ITPRID1: variants seen among roughly 807,000 people sequenced by gnomAD.
ITPRID1 encodes ITPR interacting domain containing 1, also known as protein ITPRID1.
In ITPRID1, 96 loss-of-function variants were observed where a neutral mutation model predicts 95.4. The observed-to-expected ratio is 1.01, with a 90% CI of 0.85 to 1.19. The LOEUF is 1.19. ITPRID1 is among the 50% of genes most tolerant of loss of function. ITPRID1 has a pLI of 0.00. For missense variants in ITPRID1, 1,339 were observed against 1,252.9 expected (o/e 1.07, Z -1.04); for synonymous variants, 510 against 453.6 (o/e 1.12, Z -1.58).
rs1791226899 is a variant in ITPRID1, at chr7:31,654,989, A to C, written c.*2160A>C. 6.6e-6 allele frequency among the ~76,000 whole-genome samples: 1 copy of C among 152,068 alleles called. No individual in the cohort carries two copies. The highest frequency in any genetic ancestry group is 6.5e-5 in the Admixed American group (1 of 15,278). ...GACTTAACATTCTCAGAGCGTGGACATCCCCATTCTGTCCTGAATTCTCTT... is the reference window on the plus strand; with the variant it reads ...GACTTAACATTCTCAGAGCGTGGACCTCCCCATTCTGTCCTGAATTCTCTT... On this transcript the variant is annotated 3_prime_UTR_variant, in exon 15 of 15. Coordinates refer to ENST00000615280, the MANE Select transcript of ITPRID1 (RefSeq NM_001257967.3).
chr7:31,535,202 A>C lies in ITPRID1; in HGVS notation c.-97-14224A>C, dbSNP rs188588604. ...TTCTAGAGACTATAATATTTGCCTA[A>C]CTTATCAGAATCTATCATTAAAGTA... On this transcript the variant is annotated intron_variant, in intron 1 of 14. Coordinates refer to ENST00000615280, the MANE Select transcript of ITPRID1 (RefSeq NM_001257967.3). 4.3e-4 allele frequency among the ~76,000 whole-genome samples: 66 copies of C among 152,258 alleles called. No individual in the cohort carries two copies. In the East Asian group the frequency reaches 0.01, roughly 23 times the overall value.
chr7:31,585,386 T>TTG (rs1414750174), intron 10 of ITPRID1, among the ~76,000 whole-genome samples: 1 of 151,966 alleles, frequency 6.6e-6, no homozygotes, highest in African/African-American at 2.4e-5. Context: ...ATATAGAAAA[T>TTG]TGGGACCCAA....
intron 10 of ITPRID1, among the ~76,000 whole-genome samples, chr7:31,608,939 T>C (rs979098099): frequency 6.6e-6 from 1 of 151,716 alleles, no homozygotes; most frequent in African/African-American, 2.4e-5. Context: ...TTTACCATTA[T>C]GTATGATGTT....
intron 1 of ITPRID1, among the ~76,000 whole-genome samples, chr7:31,541,069 C>G (rs1783918526): frequency 6.6e-6 from 1 of 152,142 alleles, no homozygotes; most frequent in South Asian, 2.1e-4. Context: ...CAGATAGTTT[C>G]CAAATTCTGG....
At chr7:31,527,114 G>T (rs970982073) in intron 1 of ITPRID1, among the ~76,000 whole-genome samples, 2 of 152,008 alleles carry the variant, frequency 1.3e-5, no homozygotes, top group African/African-American at 4.8e-5. Context: ...TCAGACCTTT[G>T]CACCTTTGCA....
chr7:31,599,491 T>C (rs1786252147), intron 10 of ITPRID1, among the ~76,000 whole-genome samples: 1 of 152,236 alleles, frequency 6.6e-6, no homozygotes, highest in African/African-American at 2.4e-5. Flanking sequence ...GTATCTATGT[T>C]TCCCCTTTTA....
Position 31,554,495 on chromosome 7 carries a change from A to G in ITPRID1, c.184A>G (p.Ile62Val). The G allele has an allele frequency of 6.2e-7, 1 of 1,613,040 alleles. No homozygotes were observed. The highest frequency in any genetic ancestry group is 8.5e-7 in the Non-Finnish European group (1 of 1,179,414). ...PMLEDSKQES[I>V]QQWLDSGFFV... is the part of the protein sequence containing the mutation. ...TGTAGAAGATTCCAAGCAAGAAAGT[A>G]TTCAGCAGTGGCTGGACTCTGGATT... Residue 62 changes from isoleucine to valine, a missense_variant, in exon 4 of 15, where the codon ATT (isoleucine) becomes GTT (valine). Transcript: ENST00000615280.
chr7:31,576,970 G>C (rs574134246), intron 8 of ITPRID1, among the ~76,000 whole-genome samples: 160 of 150,496 alleles, frequency 1.1e-3, no homozygotes, highest in African/African-American at 3.8e-3. Flanking sequence ...AGCCCTTGCT[G>C]CATTAGGTCT....
intron 1 of ITPRID1, among the ~76,000 whole-genome samples, chr7:31,529,251 C>T (rs189984732): frequency 3.9e-5 from 6 of 152,292 alleles, no homozygotes; most frequent in African/African-American, 1.4e-4. Context: ...GTTCTGCTGT[C>T]CTCATTTCCA....
intron 10 of ITPRID1, among the ~76,000 whole-genome samples, chr7:31,638,455 G>GA: frequency 6.6e-6 from 1 of 152,092 alleles, no homozygotes; most frequent in African/African-American, 2.4e-5. Flanking sequence ...ATAATAACAG[G>GA]TGTTTATGTT....
At chr7:31,561,878 A>G (rs1424094551) in intron 5 of ITPRID1, among the ~76,000 whole-genome samples, 1 of 152,108 alleles carries the variant, frequency 6.6e-6, no homozygotes, top group Non-Finnish European at 1.5e-5. Context: ...TGGGATGAAT[A>G]TGGATCCATA....
chr7:31,566,384 A>G (rs112220006), intron 5 of ITPRID1, among the ~76,000 whole-genome samples: 13 of 152,346 alleles, frequency 8.5e-5, no homozygotes, highest in African/African-American at 3.1e-4. Context: ...GCAGGCAAAC[A>G]AAAAAGACCA....
In ITPRID1 at chr7:31,543,497, T is replaced by G. The variant is rs867939491; in HGVS notation, c.-97-5929T>G. Among the ~76,000 whole-genome samples, 102 of 143,676 alleles carry G rather than the reference T, an allele frequency of 7.1e-4. No individual in the cohort carries two copies. The Middle Eastern group carries it at 0.017, about 24-fold the overall frequency. The allele number at this position is 143,676 out of a possible 152,430, so 94.3% of individuals were successfully genotyped here. A position where few individuals can be genotyped will look rare whatever the true frequency, so the allele number is the denominator to read the frequency against. ...ATTCTAATAGGTGTTTACTAGTGTC[T>G]CATTGTTGTTTAAATTTTCATTTTT... On this transcript the variant is annotated intron_variant, in intron 1 of 14. Coordinates refer to ENST00000615280, the MANE Select transcript of ITPRID1 (RefSeq NM_001257967.3).
At chr7:31,623,283 C>T (rs1434565384) in intron 10 of ITPRID1, among the ~76,000 whole-genome samples, 9 of 151,968 alleles carry the variant, frequency 5.9e-5, no homozygotes, top group East Asian at 3.9e-4. Context: ...ATACCAAAGC[C>T]GGGCAGAGAC....
intron 5 of ITPRID1, among the ~76,000 whole-genome samples, chr7:31,559,180 T>G (rs1784546903): frequency 6.6e-6 from 1 of 152,124 alleles, no homozygotes; most frequent in African/African-American, 2.4e-5. Flanking sequence ...CTCAAATATT[T>G]TCATAAATGA....
At chr7:31,545,307 G>A (rs1301536389) in intron 1 of ITPRID1, among the ~76,000 whole-genome samples, 1 of 152,034 alleles carries the variant, frequency 6.6e-6, no homozygotes, top group African/African-American at 2.4e-5. Flanking sequence ...GAAAGAACTT[G>A]GATTGCAGTG....
chr7:31,548,055 C>T (rs1402468483), intron 1 of ITPRID1, among the ~76,000 whole-genome samples: 1 of 146,358 alleles, frequency 6.8e-6, no homozygotes, highest in African/African-American at 2.4e-5. Flanking sequence ...AGGGAATAAT[C>T]CAGTAAGGAG....
intron 10 of ITPRID1, among the ~76,000 whole-genome samples, chr7:31,638,149 A>C (rs564090352): frequency 6.6e-6 from 1 of 152,344 alleles, no homozygotes; most frequent in South Asian, 2.1e-4. Flanking sequence ...TACTGCAAGA[A>C]TCATCATGAA....
chr7:31,586,598 G>A (rs1314259941), intron 10 of ITPRID1, among the ~76,000 whole-genome samples: 2 of 152,012 alleles, frequency 1.3e-5, no homozygotes, highest in Non-Finnish European at 2.9e-5. Flanking sequence ...CAGTGATGAT[G>A]AGCATTTTTT....
Sources: allele counts gnomAD v4.1 joint callset (sites outside exome capture counted in the v4.1 genomes callset), GRCh38; gene constraint gnomAD v4.1.1; transcripts MANE v1.5; gene names NCBI Gene and HGNC (gene_info 2026-07-23, HGNC 2026-07-21).